U2SURP: variants seen among roughly 807,000 people sequenced by gnomAD.
U2SURP encodes U2 snRNP associated SURP domain containing, also known as U2 snRNP-associated SURP motif-containing protein.
U2SURP carries 9 observed loss-of-function variants against 144.9 expected under a neutral mutation model. The ratio of observed to expected loss-of-function variants is 0.06; its 90% CI spans 0.04 to 0.11. The LOEUF is 0.11. U2SURP is among the 10% of genes least tolerant of loss of function. U2SURP has a pLI of 1.00. For missense variants in U2SURP, 724 were observed against 1,226.7 expected (o/e 0.59, Z 6.12); for synonymous variants, 408 against 396.8 (o/e 1.03, Z -0.33).
intron 26 of U2SURP, 109 bp from the exon 27 acceptor site, chr3:143,054,834 T>G (rs1935061828): frequency 8.9e-7 from 1 of 1,129,102 alleles, no homozygotes; most frequent in African/African-American, 1.6e-5. Flanking sequence ...CATTACATGG[T>G]TAGAATAAAA....
At chr3:143,010,914 A>C in intron 2 of U2SURP, 55 bp downstream of exon 2, 1 of 1,303,330 alleles carries the variant, frequency 7.7e-7, no homozygotes, top group Non-Finnish European at 1.1e-6. Context: ...ACTTCTCCTC[A>C]TATGTATCCC....
At chr3:143,046,576 C>T (rs1246970179) in intron 24 of U2SURP, among the ~76,000 whole-genome samples, 4 of 104,614 alleles carry the variant, frequency 3.8e-5, no homozygotes, top group African/African-American at 1.7e-4. Context: ...TCTTGCACCG[C>T]CCTTAATCCA....
chr3:143,007,998 T>C (rs1398220282), intron 1 of U2SURP, among the ~76,000 whole-genome samples: 1 of 152,236 alleles, frequency 6.6e-6, no homozygotes, highest in Non-Finnish European at 1.5e-5. Context: ...TATGTATCAG[T>C]GGAAAATGTC....
At chr3:143,045,784 GAACT>G (rs1364682193) in intron 24 of U2SURP, among the ~76,000 whole-genome samples, 2 of 152,292 alleles carry the variant, frequency 1.3e-5, no homozygotes, top group East Asian at 3.9e-4. Context: ...TTTGGACCAT[GAACT>G]AAGTCCTGAT....
intron 8 of U2SURP, 98 bp from the exon 9 acceptor site, chr3:143,021,252 A>G: frequency 1.3e-5 from 17 of 1,322,190 alleles, no homozygotes; most frequent in Non-Finnish European, 1.8e-5. Flanking sequence ...TCTCTCAGAA[A>G]TACCTTACTG....
intron 6 of U2SURP, 105 bp downstream of exon 6, chr3:143,017,080 C>A: frequency 1.7e-6 from 2 of 1,148,914 alleles, no homozygotes; most frequent in Non-Finnish European, 2.3e-6. Context: ...TTGGTGGGGG[C>A]AGGGTGGTAG....
At chr3:143,007,596 C>T (rs774404721) in intron 1 of U2SURP, among the ~76,000 whole-genome samples, 119 of 152,106 alleles carry the variant, frequency 7.8e-4, no homozygotes, top group Admixed American at 1.1e-3. Flanking sequence ...TGCCCGCCAC[C>T]GCACCTGGCC....
intron 24 of U2SURP, among the ~76,000 whole-genome samples, chr3:143,046,329 T>A (rs12108124): frequency 6.9e-6 from 1 of 144,758 alleles, no homozygotes; most frequent in African/African-American, 2.5e-5. Flanking sequence ...TTATTTTTTA[T>A]TTTTTTTTTT....
Position 143,001,613 on chromosome 3 carries a change from A to G in U2SURP, c.-16A>G. On this transcript the variant is annotated 5_prime_UTR_variant, in exon 1 of 28. Transcript: ENST00000473835. Reference sequence around the variant, plus strand: ...CCCGTGCTGCTGCCGCCGCCGAAGGAGGGGCAAAGCTCAAGATGGCGGACA... The same window carrying G: ...CCCGTGCTGCTGCCGCCGCCGAAGGGGGGGCAAAGCTCAAGATGGCGGACA... 6.2e-7 allele frequency: 1 copy of G among 1,613,780 alleles called. No individual in the cohort carries two copies.
intron 22 of U2SURP, 33 bp downstream of exon 22, chr3:143,038,236 T>G (rs1388388356): frequency 6.8e-7 from 1 of 1,462,910 alleles, no homozygotes. Flanking sequence ...TTTTTTAAAT[T>G]AAGTACTTGT....
rs1252647855 is a variant in U2SURP, at chr3:143,046,955, C to CCA, written c.2544+3680_2544+3681insAC. Among the ~76,000 whole-genome samples, 7 of 84,446 alleles carry CCA rather than the reference C, an allele frequency of 8.3e-5. 1 individual carries two copies. Among genetic ancestry groups the CCA allele is most frequent in the African/African-American group, 3.4e-4 (6 of 17,462 alleles). The allele number at this position is 84,446 out of a possible 152,430, so 55.4% of individuals were successfully genotyped here. A position where few individuals can be genotyped will look rare whatever the true frequency, so the allele number is the denominator to read the frequency against. ...GGCTGGCCGGGCAGGGGGCTGACCT[C>CCA]CCCCACCTCCCTCCCGGACGGGGCG... On this transcript the variant is annotated intron_variant, in intron 24 of 27. Coordinates refer to ENST00000473835, the MANE Select transcript of U2SURP (RefSeq NM_001080415.2).
At chr3:143,048,430 C>T (rs536994554) in intron 24 of U2SURP, among the ~76,000 whole-genome samples, 1 of 152,304 alleles carries the variant, frequency 6.6e-6, no homozygotes, top group South Asian at 2.1e-4. Flanking sequence ...ATCTTGGTCA[C>T]GAGAGGCTTC....
At chr3:143,033,024 G>C in intron 17 of U2SURP, 78 bp downstream of exon 17, 1 of 1,470,862 alleles carries the variant, frequency 6.8e-7, no homozygotes, top group Non-Finnish European at 9.2e-7. Flanking sequence ...TTTGCACAAA[G>C]CACTTGACTG....
chr3:143,024,882 A>G (rs1244678457), intron 13 of U2SURP, among the ~76,000 whole-genome samples: 1 of 151,824 alleles, frequency 6.6e-6, no homozygotes, highest in Non-Finnish European at 1.5e-5. Context: ...CTGAGAGACA[A>G]TTTTTTGTTT....
At chr3:143,015,544 A>G (rs907030628) in intron 4 of U2SURP, among the ~76,000 whole-genome samples, 7 of 152,050 alleles carry the variant, frequency 4.6e-5, no homozygotes, top group Non-Finnish European at 1.0e-4. Flanking sequence ...TTATTCTGGT[A>G]TGTGGTGTCA....
intron 23 of U2SURP, among the ~76,000 whole-genome samples, chr3:143,042,717 C>G (rs374059035): frequency 5.9e-5 from 9 of 152,008 alleles, no homozygotes; most frequent in African/African-American, 2.2e-4. Flanking sequence ...TTGTTGCTCA[C>G]AATATGAGTG....
intron 18 of U2SURP, 113 bp downstream of exon 18, chr3:143,033,463 C>T (rs1933620805): frequency 1.7e-6 from 1 of 592,246 alleles, no homozygotes; most frequent in South Asian, 2.2e-5. Context: ...ACAGTCAGCC[C>T]TCCATGTCTG....
chr3:143,055,369 G>A (rs1306591994), intron 27 of U2SURP, among the ~76,000 whole-genome samples: 1 of 152,098 alleles, frequency 6.6e-6, no homozygotes, highest in Non-Finnish European at 1.5e-5. Context: ...AATGTTTTCT[G>A]TGGAATAGGG....
chr3:143,043,069 T>G (rs1427664242), intron 23 of U2SURP, 48 bp from the exon 24 acceptor site: 3 of 1,507,858 alleles, frequency 2.0e-6, no homozygotes, highest in African/African-American at 2.8e-5. Context: ...TAAAATATGG[T>G]ACTCTCTTGC....
Sources: gnomAD v4.1 joint callset for allele counts (sites outside exome capture counted in the v4.1 genomes callset) on GRCh38, gnomAD v4.1.1 for gene constraint, MANE v1.5 for transcripts, NCBI Gene and HGNC (gene_info 2026-07-23, HGNC 2026-07-21) for gene names.